Variants in GPAT4 observed in about 807,000 individuals in gnomAD.
GPAT4 encodes 1-AGP acyltransferase 6.
GPAT4 carries 17 observed loss-of-function variants against 58.0 expected under a neutral mutation model. That is an observed-to-expected ratio of 0.29 (90% CI 0.20 to 0.44). The LOEUF (loss-of-function observed/expected upper bound fraction) is 0.44, where lower values mean the gene tolerates loss of function less well. Among genes scored for constraint, GPAT4 ranks in the 20% least tolerant of loss-of-function variants. GPAT4 has a pLI of 1.00. For missense variants in GPAT4, 377 were observed against 574.5 expected (o/e 0.66, Z 3.51); for synonymous variants, 204 against 210.1 (o/e 0.97, Z 0.25).
chr8:41,592,834 C>T (rs975317322), intron 1 of GPAT4, among the ~76,000 whole-genome samples: 6 of 152,144 alleles, frequency 3.9e-5, no homozygotes, highest in Non-Finnish European at 7.3e-5. Flanking sequence ...TAAGGTCACA[C>T]GCTCCCCTTT....
At chr8:41,589,076 A>G (rs1802725210) in intron 1 of GPAT4, among the ~76,000 whole-genome samples, 1 of 152,206 alleles carries the variant, frequency 6.6e-6, no homozygotes, top group African/African-American at 2.4e-5. Flanking sequence ...ACGGTTATCT[A>G]GAAATTGTGG....
intron 1 of GPAT4, among the ~76,000 whole-genome samples, chr8:41,590,502 CT>C (rs1326697926): frequency 6.6e-6 from 1 of 152,216 alleles, no homozygotes; most frequent in Non-Finnish European, 1.5e-5. Context: ...CCCTGGGTAA[CT>C]TGAGTCCCTT....
chr8:41,590,216 A>T (rs1169451001), intron 1 of GPAT4, among the ~76,000 whole-genome samples: 1 of 151,576 alleles, frequency 6.6e-6, no homozygotes, highest in Non-Finnish European at 1.5e-5. Context: ...CCTCCTGAGT[A>T]GTTGAGATTA....
intron 2 of GPAT4, among the ~76,000 whole-genome samples, chr8:41,606,109 C>T (rs551774179): frequency 6.6e-6 from 1 of 152,300 alleles, no homozygotes; most frequent in African/African-American, 2.4e-5. Flanking sequence ...TATCATAAAG[C>T]TATACATGTT....
chr8:41,614,320 T>C, intron 8 of GPAT4, 66 bp from the exon 9 acceptor site: 1 of 1,366,482 alleles, frequency 7.3e-7, no homozygotes, highest in Non-Finnish European at 1.0e-6. Flanking sequence ...ATAGGTTATT[T>C]ATAAACATAT....
At chr8:41,610,557 C>G (rs1044649785) in intron 4 of GPAT4, 179 bp from the exon 5 acceptor site, 26 of 1,498,790 alleles carry the variant, frequency 1.7e-5, no homozygotes, top group African/African-American at 2.8e-5. Flanking sequence ...CAGCTGGAAT[C>G]AAAAGGATCT....
chr8:41,603,364 T>A (rs1281300707), intron 2 of GPAT4, among the ~76,000 whole-genome samples: 2 of 151,818 alleles, frequency 1.3e-5, no homozygotes, highest in Non-Finnish European at 2.9e-5. Flanking sequence ...CCATCTCTAC[T>A]AAAAATACAA....
intron 2 of GPAT4, among the ~76,000 whole-genome samples, chr8:41,607,617 C>T (rs1803318244): frequency 6.6e-6 from 1 of 151,548 alleles, no homozygotes; most frequent in African/African-American, 2.4e-5. Flanking sequence ...CCGCTCACTG[C>T]AGCCTCAACG....
chr8:41,578,590 G>A (rs1802426350), intron 1 of GPAT4: 1 of 152,308 alleles, frequency 6.6e-6, no homozygotes, highest in South Asian at 2.1e-4. Flanking sequence ...GGTGTGCGCA[G>A]CCCTCCCGCC....
intron 1 of GPAT4, among the ~76,000 whole-genome samples, chr8:41,597,726 A>G (rs1352660157): frequency 1.3e-5 from 2 of 152,238 alleles, no homozygotes; most frequent in African/African-American, 4.8e-5. Flanking sequence ...AAAACTTTGC[A>G]CCTGCAGAGT....
At chr8:41,610,908 G>T in intron 5 of GPAT4, 98 bp downstream of exon 5, 1 of 1,289,620 alleles carries the variant, frequency 7.8e-7, no homozygotes, top group Non-Finnish European at 1.1e-6. Context: ...CACAACCAAA[G>T]CCATGGAATC....
chr8:41,584,149 G>A (rs968987993), intron 1 of GPAT4, among the ~76,000 whole-genome samples: 3 of 152,082 alleles, frequency 2.0e-5, no homozygotes, highest in East Asian at 1.9e-4. Context: ...CGCCCACCTC[G>A]GCCTCCCAGA....
At chr8:41,618,475 G>T in intron 10 of GPAT4, 1 of 622,188 alleles carries the variant, frequency 1.6e-6, no homozygotes. Context: ...CTGATCTGTA[G>T]CAGAGGCCGG....
intron 1 of GPAT4, among the ~76,000 whole-genome samples, chr8:41,595,156 GTTTTTTT>G (rs1159786065): frequency 1.5e-5 from 2 of 130,294 alleles, no homozygotes; most frequent in African/African-American, 5.7e-5. Flanking sequence ...AATTGGTATA[GTTTTTTT>G]TTTTTTTTTT....
chr8:41,582,519 A>C (rs1802546291), intron 1 of GPAT4, among the ~76,000 whole-genome samples: 1 of 151,574 alleles, frequency 6.6e-6, no homozygotes. Flanking sequence ...CATTATTTTG[A>C]GTCTCCTTTA....
rs373953941 is a variant in GPAT4, at chr8:41,609,497, G to A, written c.235+12G>A. On this transcript the variant is annotated intron_variant, in intron 3 of 12. Coordinates refer to ENST00000396987, the MANE Select transcript of GPAT4 (RefSeq NM_178819.4). ...GCCCTACACCAACGGTAAGATGGGG[G>A]TGTGATCCTTGTCCTGAGAGGTCCA... 12 of 1,613,852 alleles carry A rather than the reference G, an allele frequency of 7.4e-6. No homozygotes were observed. Among genetic ancestry groups the A allele is most frequent in the Admixed American group, 1.7e-5 (1 of 60,000 alleles).
At chr8:41,614,788 A>G (rs886457780) in intron 9 of GPAT4, among the ~76,000 whole-genome samples, 175 bp from the exon 10 acceptor site, 1 of 152,200 alleles carries the variant, frequency 6.6e-6, no homozygotes, top group Admixed American at 6.5e-5. Context: ...AATCGGAGGC[A>G]CCATCTTGCC....
intron 1 of GPAT4, among the ~76,000 whole-genome samples, chr8:41,583,673 G>T (rs1205654018): frequency 6.6e-6 from 1 of 152,062 alleles, no homozygotes; most frequent in East Asian, 1.9e-4. Context: ...CGTGGTTAGT[G>T]GCTGCTCTGT....
intron 1 of GPAT4, among the ~76,000 whole-genome samples, chr8:41,580,253 GAGA>G (rs1475780017): frequency 3.3e-5 from 5 of 152,214 alleles, no homozygotes; most frequent in East Asian, 3.8e-4. Context: ...ATACCAGTTT[GAGA>G]AGAAGAACAA....
Sources: gnomAD v4.1 joint callset for allele counts (sites outside exome capture counted in the v4.1 genomes callset) on GRCh38, gnomAD v4.1.1 for gene constraint, MANE v1.5 for transcripts, NCBI Gene and HGNC (gene_info 2026-07-23, HGNC 2026-07-21) for gene names.